Variants in PRH1 observed in about 807,000 individuals in gnomAD.
PRH1 encodes salivary acidic proline-rich phosphoprotein 1/2.
PRH1 carries 7 observed loss-of-function variants against 7.9 expected under a neutral mutation model. That is an observed-to-expected ratio of 0.89 (90% CI 0.50 to 1.67). The LOEUF is 1.67. Among genes scored for constraint, PRH1 ranks in the 40% most tolerant of loss-of-function variants. PRH1 has a pLI of 0.00. For missense variants in PRH1, 109 were observed against 223.6 expected, an observed-to-expected ratio of 0.49 and a Z score of 3.27; for synonymous variants, 45 against 80.8, an observed-to-expected ratio of 0.56 and a Z score of 2.38.
intron 1 of PRH1, among the ~76,000 whole-genome samples, chr12:11,041,487 T>A (rs1942708435): frequency 6.6e-6 from 1 of 152,024 alleles, no homozygotes; most frequent in African/African-American, 2.4e-5. Flanking sequence ...AAAGCAAATA[T>A]TATTAGAGCA....
At chr12:11,121,113 A>C (rs1300528935) in exon 2 of PRH1, 1 of 153,068 alleles carries the variant, frequency 6.5e-6, no homozygotes, top group Admixed American at 6.5e-5. Context: ...AAGAAGTTCC[A>C]AGGTTTATAA....
At chr12:11,017,488 T>TTAATTA (rs543272370) in intron 1 of PRH1, among the ~76,000 whole-genome samples, 1 of 150,184 alleles carries the variant, frequency 6.7e-6, no homozygotes, top group Non-Finnish European at 1.5e-5. Flanking sequence ...TTAATTAATT[T>TTAATTA]ATTTATTTAT....
chr12:11,065,963 C>T (rs116592228), intron 1 of PRH1, among the ~76,000 whole-genome samples: 1,836 of 152,268 alleles, frequency 0.012, 52 homozygotes, highest in African/African-American at 0.042. Flanking sequence ...AATGTCATTA[C>T]AATTAATAAA....
intron 1 of PRH1, among the ~76,000 whole-genome samples, chr12:11,069,782 G>C (rs1174866866): frequency 6.6e-6 from 1 of 152,192 alleles, no homozygotes; most frequent in African/African-American, 2.4e-5. Context: ...CTTTGAAGTG[G>C]AAAATCAAGA....
chr12:10,954,610 T>C (rs1437666329), intron 2 of PRH1, among the ~76,000 whole-genome samples: 1 of 152,104 alleles, frequency 6.6e-6, no homozygotes, highest in Non-Finnish European at 1.5e-5. Context: ...TGGGACCACA[T>C]GTGTGCACCA....
intron 1 of PRH1, among the ~76,000 whole-genome samples, chr12:11,147,656 C>T (rs61931280): frequency 0.74 from 113,332 of 152,124 alleles, 44,724 homozygotes; most frequent in East Asian, 0.96. Flanking sequence ...CATCATTATA[C>T]TGTAAATTTG....
intron 1 of PRH1, chr12:11,091,921 G>A (rs1262558631): frequency 1.6e-6 from 2 of 1,232,298 alleles, no homozygotes; most frequent in African/African-American, 1.6e-5. Context: ...AATAAAATAT[G>A]CTGAGGGTAG....
chr12:11,096,888 C>T lies in PRH1; in HGVS notation n.124-49700G>A, dbSNP rs1263328476. On this transcript the variant is annotated intron_variant and non_coding_transcript_variant, in intron 1 of 4. Transcript: ENST00000541977. ...TCTCGGCTCACTGCAAGCTCTGTCC[C>T]CGGGGTTCACGCCATTCTCCTGCCC... Among the ~76,000 whole-genome samples the T allele has an allele frequency of 1.8e-5, 2 of 114,122 alleles. 1 individual carries two copies. Among genetic ancestry groups the T allele is most frequent in the Non-Finnish European group, 4.1e-5 (2 of 48,488 alleles). The allele number at this position is 114,122 out of a possible 152,430, so 74.9% of individuals were successfully genotyped here.
intron 2 of PRH1, among the ~76,000 whole-genome samples, chr12:10,962,833 G>A (rs11054085): frequency 6.6e-6 from 1 of 151,948 alleles, no homozygotes. Flanking sequence ...GCAGTGGCGC[G>A]ATCTCGGCTC....
chr12:11,040,919 C>T (rs1427198842), intron 1 of PRH1, among the ~76,000 whole-genome samples: 1 of 151,924 alleles, frequency 6.6e-6, no homozygotes, highest in Non-Finnish European at 1.5e-5. Context: ...TTGCAAGCCT[C>T]ATGGTAATCT....
chr12:11,147,662 AT>A (rs964749022), intron 1 of PRH1, among the ~76,000 whole-genome samples: 4 of 152,068 alleles, frequency 2.6e-5, no homozygotes, highest in African/African-American at 9.7e-5. Context: ...TATACTGTAA[AT>A]TTGTCTATCT....
At chr12:11,127,748 G>GGCTTA (rs1747103056) in intron 1 of PRH1, among the ~76,000 whole-genome samples, 3 of 67,170 alleles carry the variant, frequency 4.5e-5, no homozygotes, top group Admixed American at 3.1e-4. Context: ...TAATCTCTAA[G>GGCTTA]GCTTAGGCCT....
At chr12:11,107,408 TCA>T (rs1945455476) in intron 1 of PRH1, among the ~76,000 whole-genome samples, 1 of 152,218 alleles carries the variant, frequency 6.6e-6, no homozygotes, top group South Asian at 2.1e-4. Flanking sequence ...TTTCAATTTG[TCA>T]CAGAGTTGTA....
Position 10,903,784 on chromosome 12 carries a change from T to G in PRH1, c.-58-19509A>C, listed in dbSNP as rs143930051. Among the ~76,000 whole-genome samples the G allele has an allele frequency of 2.2e-3, 337 of 151,696 alleles. 2 individuals are homozygous for G. The highest frequency in any genetic ancestry group is 7.8e-3 in the African/African-American group (324 of 41,466). ...TCCATACATACAAAACCCTAAAGAC[T>G]CTGCCAAAAGGCTCCTGGCACAGAT... is the stretch of plus-strand genomic sequence containing the variant. On this transcript the variant is annotated intron_variant, in intron 2 of 3. Transcript: ENST00000539853.
At chr12:10,902,022 CA>C (rs1458718108) in intron 2 of PRH1, among the ~76,000 whole-genome samples, 1 of 151,928 alleles carries the variant, frequency 6.6e-6, no homozygotes, top group African/African-American at 2.4e-5. Flanking sequence ...CTAACCAAAA[CA>C]AAAGCTCAGA....
At chr12:11,053,577 G>A (rs765776952) in intron 1 of PRH1, among the ~76,000 whole-genome samples, 30 of 152,214 alleles carry the variant, frequency 2.0e-4, no homozygotes, top group Non-Finnish European at 4.1e-4. Flanking sequence ...GTTTACTAAT[G>A]TAACTTTCCC....
At chr12:11,086,108 C>CT (rs202017355) in intron 1 of PRH1, among the ~76,000 whole-genome samples, 4 of 20,398 alleles carry the variant, frequency 2.0e-4, no homozygotes, top group Admixed American at 7.5e-4. Context: ...ACACATTCCC[C>CT]CCCCCACACA....
intron 1 of PRH1, among the ~76,000 whole-genome samples, chr12:11,010,548 C>T (rs1490928636): frequency 6.6e-6 from 1 of 151,816 alleles, no homozygotes; most frequent in Non-Finnish European, 1.5e-5. Flanking sequence ...TTTCATTTTA[C>T]CACATTCTAA....
chr12:10,900,918 A>C (rs1279411210), intron 2 of PRH1, among the ~76,000 whole-genome samples: 1 of 152,150 alleles, frequency 6.6e-6, no homozygotes, highest in Non-Finnish European at 1.5e-5. Flanking sequence ...TCCTTGACGT[A>C]GGTCATGGTG....
Sources: allele counts gnomAD v4.1 joint callset (sites outside exome capture counted in the v4.1 genomes callset), GRCh38; gene constraint gnomAD v4.1.1; transcripts MANE v1.5; gene names NCBI Gene and HGNC (gene_info 2026-07-23, HGNC 2026-07-21).